Variants in TRPM6 observed in about 807,000 individuals in gnomAD.
TRPM6 encodes the protein transient receptor potential cation channel subfamily M member 6.
Under a neutral mutation model 247.6 loss-of-function variants are expected in TRPM6, and 111 were observed. The ratio of observed to expected loss-of-function variants is 0.45; its 90% CI spans 0.38 to 0.52. TRPM6 has a LOEUF of 0.52. TRPM6 is among the 20% of genes least tolerant of loss of function. The probability of loss-of-function intolerance (pLI) is 0.00; values close to 1 mark genes in which losing one functional copy is unlikely to be tolerated. For synonymous variants in TRPM6, 892 were observed against 853.8 expected, an observed-to-expected ratio of 1.04 and a Z score of -0.78; for missense variants, 2,126 against 2,421.5, an observed-to-expected ratio of 0.88 and a Z score of 2.56.
At chr9:74,803,604 G>C (rs1458894670) in intron 15 of TRPM6, among the ~76,000 whole-genome samples, 190 bp downstream of exon 15, 3 of 152,162 alleles carry the variant, frequency 2.0e-5, no homozygotes, top group Admixed American at 1.3e-4. Context: ...TGCAAGTCCA[G>C]AGAATCACTG....
rs1393186431 is a variant in TRPM6 at position 74,724,875 on chromosome 9, G to A, written c.5936-129C>T. On this transcript the variant is annotated intron_variant, in intron 38 of 38. Transcript: ENST00000360774. Reference sequence around the variant, plus strand: ...CTCTTCCTCAGACCATAGATATGTGGAACTCAAACCCTCAACCATGTCTAG... The same window carrying A: ...CTCTTCCTCAGACCATAGATATGTGAAACTCAAACCCTCAACCATGTCTAG... The A allele has an allele frequency of 3.3e-6, 4 of 1,208,820 alleles. No individual in the cohort carries two copies. In the African/African-American group the frequency reaches 4.6e-5, roughly 14 times the overall value. 74.9% of individuals were successfully genotyped at this position (1,208,820 alleles called of 1,614,324 possible).
At chr9:74,759,968 C>T (rs1169050396) in intron 27 of TRPM6, among the ~76,000 whole-genome samples, 1 of 152,092 alleles carries the variant, frequency 6.6e-6, no homozygotes, top group African/African-American at 2.4e-5. Context: ...AACATGTCAC[C>T]AAAAATACCG....
At chr9:74,860,409 T>A (rs1294544952) in intron 1 of TRPM6, among the ~76,000 whole-genome samples, 1 of 152,058 alleles carries the variant, frequency 6.6e-6, no homozygotes, top group Non-Finnish European at 1.5e-5. Context: ...CCTGGCTCAC[T>A]GCAATCTGGC....
chr9:74,878,900 C>T (rs1016658727), intron 1 of TRPM6, among the ~76,000 whole-genome samples: 1 of 152,142 alleles, frequency 6.6e-6, no homozygotes, highest in Non-Finnish European at 1.5e-5. Context: ...AGGAGGACCA[C>T]TCAACCTCAG....
At chr9:74,813,399 C>T (rs975966148) in intron 11 of TRPM6, among the ~76,000 whole-genome samples, 3 of 152,308 alleles carry the variant, frequency 2.0e-5, no homozygotes, top group African/African-American at 7.2e-5. Flanking sequence ...CCAACAAAAA[C>T]AAAATACATG....
intron 25 of TRPM6, among the ~76,000 whole-genome samples, chr9:74,769,769 A>AAGGG (rs1262120787): frequency 1.5e-5 from 2 of 131,974 alleles, no homozygotes; most frequent in Non-Finnish European, 3.2e-5. Context: ...TAAAGGAAGG[A>AAGGG]AGGAAGGAAG....
At chr9:74,887,754 G>C in intron 1 of TRPM6, 70 bp downstream of exon 1, 1 of 1,613,750 alleles carries the variant, frequency 6.2e-7, no homozygotes, top group East Asian at 2.2e-5. Flanking sequence ...TTCTATCTAA[G>C]GCCGGGGGCG....
At chr9:74,829,058 C>G (rs551182918) in intron 6 of TRPM6, among the ~76,000 whole-genome samples, 49 of 152,070 alleles carry the variant, frequency 3.2e-4, no homozygotes, top group African/African-American at 1.1e-3. Flanking sequence ...TTTAGGAGGC[C>G]GAAGCTAGCG....
At chr9:74,833,053 G>GA (rs1221401751) in intron 6 of TRPM6, among the ~76,000 whole-genome samples, 3,441 of 134,330 alleles carry the variant, frequency 0.026, 126 homozygotes, top group African/African-American at 0.083. Flanking sequence ...TCCGTCTCAG[G>GA]AAAAAAAAAA....
At chr9:74,819,487 CAA>C (rs1587541691) in intron 9 of TRPM6, among the ~76,000 whole-genome samples, 1 of 152,064 alleles carries the variant, frequency 6.6e-6, no homozygotes, top group East Asian at 1.9e-4. Flanking sequence ...CCAGCCTGGG[CAA>C]AAGAGCAAGA....
At chr9:74,733,367 T>C (rs1360038874) in intron 36 of TRPM6, among the ~76,000 whole-genome samples, 2 of 152,224 alleles carry the variant, frequency 1.3e-5, no homozygotes, top group Non-Finnish European at 2.9e-5. Context: ...TTTTAGTTAA[T>C]GCACTGTTTC....
intron 9 of TRPM6, among the ~76,000 whole-genome samples, chr9:74,818,293 CTTTTTTTTTTTTTT>C (rs1161401022): frequency 4.2e-5 from 3 of 72,006 alleles, no homozygotes; most frequent in African/African-American, 1.2e-4. Flanking sequence ...TCTATCATTT[CTTTTTTTTTTTTTT>C]TTTTTTTTTT....
chr9:74,745,464 TG>T (rs1826011854), intron 31 of TRPM6, among the ~76,000 whole-genome samples: 1 of 137,306 alleles, frequency 7.3e-6, no homozygotes, highest in Non-Finnish European at 1.5e-5. Context: ...TGTGTGTGCG[TG>T]TGTGTGTGTG....
At chr9:74,868,694 A>T (rs893490328) in intron 1 of TRPM6, among the ~76,000 whole-genome samples, 2 of 152,198 alleles carry the variant, frequency 1.3e-5, no homozygotes, top group Non-Finnish European at 2.9e-5. Context: ...CATGGAATTT[A>T]TGAAAGTTCT....
At chr9:74,787,978 G>A (rs1313656360) in intron 20 of TRPM6, among the ~76,000 whole-genome samples, 2 of 151,870 alleles carry the variant, frequency 1.3e-5, no homozygotes, top group Non-Finnish European at 2.9e-5. Flanking sequence ...GCCTCCCAAA[G>A]TGCTGGGATT....
At chr9:74,887,483 C>A (rs1027792199) in intron 1 of TRPM6, 35 of 952,748 alleles carry the variant, frequency 3.7e-5, no homozygotes, top group Non-Finnish European at 5.2e-5. Context: ...GGAATCAGAG[C>A]TGCCTCCTCT....
At chr9:74,887,265 C>A (rs1421089590) in intron 1 of TRPM6, 6 of 1,335,164 alleles carry the variant, frequency 4.5e-6, no homozygotes, top group Non-Finnish European at 5.7e-6. Context: ...GGGACTCCTG[C>A]ACGGGGAACA....
intron 15 of TRPM6, among the ~76,000 whole-genome samples, chr9:74,803,173 G>A (rs956582802): frequency 2.6e-5 from 4 of 152,116 alleles, no homozygotes; most frequent in African/African-American, 9.7e-5. Flanking sequence ...AGGAGCTATG[G>A]AAAGCAAACC....
chr9:74,816,559 C>T (rs1469698292), intron 11 of TRPM6, 110 bp downstream of exon 11: 2 of 869,846 alleles, frequency 2.3e-6, no homozygotes, highest in Admixed American at 2.0e-5. Context: ...GAGATGCTAC[C>T]CCACACTTCT....
Sources: allele counts gnomAD v4.1 joint callset (sites outside exome capture counted in the v4.1 genomes callset), GRCh38; gene constraint gnomAD v4.1.1; transcripts MANE v1.5; gene names NCBI Gene and HGNC (gene_info 2026-07-23, HGNC 2026-07-21).